Variants in PTPRD observed in about 807,000 individuals in gnomAD.
The protein encoded by PTPRD is protein tyrosine phosphatase receptor type D.
A neutral mutation model predicts 214.5 loss-of-function variants in PTPRD; 34 were observed. The observed-to-expected ratio is 0.16, with a 90% CI of 0.12 to 0.21. The LOEUF is 0.21. PTPRD is among the 10% of genes least tolerant of loss of function. The pLI is 1.00. For missense variants in PTPRD, 2,545 were observed against 2,398.7 expected (o/e 1.06, Z -1.27); for synonymous variants, 1,128 against 845.7 (o/e 1.33, Z -5.79).
chr9:8,372,227 A>C (rs1250111804), intron 39 of PTPRD, among the ~76,000 whole-genome samples: 1 of 152,048 alleles, frequency 6.6e-6, no homozygotes, highest in Non-Finnish European at 1.5e-5. Flanking sequence ...TTATTTAATA[A>C]AATGGATGGC....
chr9:9,847,286 C>T (rs1266363026), intron 5 of PTPRD, among the ~76,000 whole-genome samples: 2 of 152,104 alleles, frequency 1.3e-5, no homozygotes, highest in African/African-American at 2.4e-5. Flanking sequence ...CACATACTAT[C>T]ATCCATAAGA....
chr9:9,836,526 T>C (rs1283035801), intron 5 of PTPRD, among the ~76,000 whole-genome samples: 1 of 152,096 alleles, frequency 6.6e-6, no homozygotes, highest in Admixed American at 6.6e-5. Flanking sequence ...ATAATAGATA[T>C]CAGCATTCTA....
At chr9:8,394,725 G>C (rs1191921105) in intron 36 of PTPRD, among the ~76,000 whole-genome samples, 1 of 152,146 alleles carries the variant, frequency 6.6e-6, no homozygotes, top group Non-Finnish European at 1.5e-5. Flanking sequence ...TAGAGGCTTT[G>C]TGTCTCTCAG....
At chr9:10,522,521 G>A (rs2134240890) in intron 2 of PTPRD, among the ~76,000 whole-genome samples, 1 of 152,204 alleles carries the variant, frequency 6.6e-6, no homozygotes, top group Non-Finnish European at 1.5e-5. Flanking sequence ...ACCTATGTCA[G>A]AATGTTTGGA....
chr9:8,722,123 C>CTGTGTG (rs34720946), intron 12 of PTPRD, among the ~76,000 whole-genome samples: 4,035 of 147,416 alleles, frequency 0.027, 63 homozygotes, highest in Middle Eastern at 0.094. Flanking sequence ...AAGTATTACT[C>CTGTGTG]TGTGTGTGTG....
intron 5 of PTPRD, among the ~76,000 whole-genome samples, chr9:9,870,823 A>G (rs1006248458): frequency 6.6e-6 from 1 of 152,128 alleles, no homozygotes; most frequent in Admixed American, 6.6e-5. Context: ...TAGGATAGAC[A>G]CTTAGTGTTG....
At chr9:10,331,277 G>A (rs920048223) in intron 3 of PTPRD, among the ~76,000 whole-genome samples, 1 of 151,764 alleles carries the variant, frequency 6.6e-6, no homozygotes, top group Non-Finnish European at 1.5e-5. Context: ...AAAACCATCT[G>A]GCCATGGCTT....
chr9:10,474,617 G>T (rs149185021), intron 2 of PTPRD, among the ~76,000 whole-genome samples: 1 of 151,980 alleles, frequency 6.6e-6, no homozygotes, highest in Non-Finnish European at 1.5e-5. Flanking sequence ...ACTTGAACTC[G>T]GCTTTGGACC....
chr9:8,485,583 C>T, intron 28 of PTPRD, 179 bp downstream of exon 28: 1 of 666,112 alleles, frequency 1.5e-6, no homozygotes, highest in Non-Finnish European at 2.5e-6. Flanking sequence ...ACTTGCTTGA[C>T]ATTCTATAAC....
chr9:8,496,171 A>AAT (rs1491226439), intron 26 of PTPRD, among the ~76,000 whole-genome samples: 1 of 135,024 alleles, frequency 7.4e-6, no homozygotes, highest in African/African-American at 2.7e-5. Flanking sequence ...CCAACTCTCC[A>AAT]ACACACACAC....
intron 7 of PTPRD, among the ~76,000 whole-genome samples, chr9:9,659,683 A>G (rs1300689660): frequency 6.6e-6 from 1 of 152,116 alleles, no homozygotes; most frequent in African/African-American, 2.4e-5. Context: ...ATAGTACAAT[A>G]AAAAGTCACT....
intron 2 of PTPRD, among the ~76,000 whole-genome samples, chr9:10,583,773 C>T (rs752417422): frequency 4.6e-5 from 7 of 152,140 alleles, no homozygotes; most frequent in African/African-American, 7.2e-5. Context: ...CCACCGCGCC[C>T]GGCCACAGGT....
chr9:9,832,625 A>G (rs573839111), intron 5 of PTPRD, among the ~76,000 whole-genome samples: 2 of 152,152 alleles, frequency 1.3e-5, no homozygotes, highest in African/African-American at 4.8e-5. Context: ...ATTATGAAAC[A>G]TAAGAGAGAA....
chr9:8,745,784 T>TTCTCTCTCTCTC (rs60391748), intron 11 of PTPRD, among the ~76,000 whole-genome samples: 18 of 148,714 alleles, frequency 1.2e-4, no homozygotes, highest in African/African-American at 3.5e-4. Context: ...TTTATGGAGT[T>TTCTCTCTCTCTC]TCTCTCTCTC....
chr9:10,471,164 AGG>A (rs2099028688), intron 2 of PTPRD, among the ~76,000 whole-genome samples: 1 of 45,134 alleles, frequency 2.2e-5, no homozygotes, highest in Non-Finnish European at 5.0e-5. Flanking sequence ...GGCTAGGGGA[AGG>A]ACACAGCATT....
At chr9:10,007,817 G>C (rs924745244) in intron 4 of PTPRD, among the ~76,000 whole-genome samples, 4 of 151,854 alleles carry the variant, frequency 2.6e-5, no homozygotes, top group African/African-American at 7.3e-5. Flanking sequence ...TAAATTATCT[G>C]TTACAATTGA....
At chr9:10,562,014 A>G (rs148784004) in intron 2 of PTPRD, among the ~76,000 whole-genome samples, 1,559 of 152,272 alleles carry the variant, frequency 0.01, 25 homozygotes, top group African/African-American at 0.034. Flanking sequence ...CTACATTTGT[A>G]AGTAATGAAA....
chr9:8,430,668 C>T (rs1263824649), intron 35 of PTPRD, among the ~76,000 whole-genome samples: 2 of 152,106 alleles, frequency 1.3e-5, no homozygotes, highest in African/African-American at 2.4e-5. Context: ...TATAATTCTA[C>T]ATTTCTAACA....
intron 11 of PTPRD, among the ~76,000 whole-genome samples, chr9:8,902,345 CTTT>C (rs36112845): frequency 6.8e-5 from 9 of 133,132 alleles, no homozygotes; most frequent in Non-Finnish European, 9.8e-5. Flanking sequence ...CTTTCTTTTT[CTTT>C]TTTTTTTTTT....
Sources: allele counts gnomAD v4.1 joint callset (sites outside exome capture counted in the v4.1 genomes callset), GRCh38; gene constraint gnomAD v4.1.1; transcripts MANE v1.5; gene names NCBI Gene and HGNC (gene_info 2026-07-23, HGNC 2026-07-21).